The following ABHD5 variants were observed in gnomAD, a reference collection of about 807,000 sequenced individuals.
The protein encoded by ABHD5 is abhydrolase domain containing 5, lysophosphatidic acid acyltransferase.
Under a neutral mutation model 44.9 loss-of-function variants are expected in ABHD5, and 30 were observed. The ratio of observed to expected loss-of-function variants is 0.67; its 90% CI spans 0.50 to 0.91. The LOEUF is 0.91. Among genes scored for constraint, ABHD5 ranks in the 40% least tolerant of loss-of-function variants. The pLI, the probability that ABHD5 is intolerant of heterozygous loss-of-function variation, is 0.00. For missense variants in ABHD5, 399 were observed against 423.4 expected (o/e 0.94, Z 0.50); for synonymous variants, 167 against 147.0 (o/e 1.14, Z -0.99).
chr3:43,699,856 CAT>C (rs1419944327), intron 2 of ABHD5: 1 of 162,342 alleles, frequency 6.2e-6, no homozygotes, highest in Non-Finnish European at 1.4e-5. Context: ...TGGGTAATCA[CAT>C]ATGTGACTTC....
intron 1 of ABHD5, among the ~76,000 whole-genome samples, chr3:43,691,808 T>C (rs938976214): frequency 6.6e-6 from 1 of 152,192 alleles, no homozygotes. Context: ...TGTCCCTTAT[T>C]TGTTTGCGCT....
intron 4 of ABHD5, 79 bp downstream of exon 4, chr3:43,711,942 T>G: frequency 6.3e-7 from 1 of 1,596,160 alleles, no homozygotes; most frequent in South Asian, 1.1e-5. Flanking sequence ...AGTCAAAATC[T>G]TAAAAACAAA....
intron 3 of ABHD5, among the ~76,000 whole-genome samples, chr3:43,703,825 T>G (rs1398132942): frequency 2.0e-5 from 3 of 152,168 alleles, no homozygotes. Context: ...AGCAGCCCTG[T>G]GTACCTGAGG....
In ABHD5 at chr3:43,722,696, CA is replaced by C. The variant is rs1308299063; in HGVS notation, c.*4167del. The C allele has an allele frequency of 6.6e-6, 1 of 152,080 alleles. No homozygotes were observed. The highest frequency in any genetic ancestry group is 1.9e-4 in the East Asian group (1 of 5,192). The allele number at this position is 152,080 out of a possible 1,614,324, so 9.4% of individuals were successfully genotyped here. ...TGCTAATGGAATATATCCTACAGAC[CA>C]AACAACCACAAATAAATCTTAAACT... On this transcript the variant is annotated 3_prime_UTR_variant, in exon 7 of 7. Transcript: ENST00000644371.
chr3:43,700,633 G>A (rs1350878937), intron 2 of ABHD5, among the ~76,000 whole-genome samples: 2 of 151,718 alleles, frequency 1.3e-5, no homozygotes, highest in African/African-American at 4.9e-5. Flanking sequence ...GAGTGCAGTG[G>A]CACAATCTCA....
At chr3:43,713,039 A>G (rs1424549744) in intron 4 of ABHD5, among the ~76,000 whole-genome samples, 1 of 152,100 alleles carries the variant, frequency 6.6e-6, no homozygotes, top group East Asian at 1.9e-4. Context: ...CGTTCTAACC[A>G]GGTGCTGTGG....
At chr3:43,712,843 C>T (rs1440225986) in intron 4 of ABHD5, among the ~76,000 whole-genome samples, 14 of 152,086 alleles carry the variant, frequency 9.2e-5, no homozygotes, top group Non-Finnish European at 1.8e-4. Flanking sequence ...TCCTTCTCTC[C>T]ATAATGCTTT....
chr3:43,731,763 C>T (rs767625725), intron 7 of ABHD5, among the ~76,000 whole-genome samples: 13 of 151,896 alleles, frequency 8.6e-5, no homozygotes, highest in South Asian at 2.1e-4. Context: ...ACCCGGGAGA[C>T]GGGAGGTTGT....
chr3:43,716,235 A>G (rs1156532575), intron 5 of ABHD5, among the ~76,000 whole-genome samples: 4 of 152,140 alleles, frequency 2.6e-5, no homozygotes, highest in Admixed American at 1.3e-4. Context: ...TTCTCATGCT[A>G]TGTTGTGTAC....
downstream of ABHD5, among the ~76,000 whole-genome samples, chr3:43,724,200 A>G (rs188539776): frequency 0.011 from 1,738 of 152,322 alleles, 21 homozygotes; most frequent in Non-Finnish European, 0.015. Flanking sequence ...GCCAGTATGG[A>G]TAACTCTTTC....
chr3:43,716,551 C>T (rs1243921581), intron 5 of ABHD5, among the ~76,000 whole-genome samples: 1 of 152,068 alleles, frequency 6.6e-6, no homozygotes, highest in Admixed American at 6.5e-5. Flanking sequence ...TTATAGGTAG[C>T]TGTAGCCTCA....
At position 43,721,286 on chromosome 3, in the gene ABHD5, A is replaced by G. The variant is rs2084832981; in HGVS notation, c.*2754A>G. 6.6e-6 allele frequency: 1 copy of G among 152,196 alleles called. No homozygotes were observed. Among genetic ancestry groups the G allele is most frequent in the African/African-American group, 2.4e-5 (1 of 41,464 alleles). 9.4% of individuals were successfully genotyped at this position (152,196 alleles called of 1,614,324 possible). A position where few individuals can be genotyped will look rare whatever the true frequency, so the allele number is the denominator to read the frequency against. On this transcript the variant is annotated 3_prime_UTR_variant, in exon 7 of 7. Coordinates refer to ENST00000644371, the MANE Select transcript of ABHD5 (RefSeq NM_016006.6). The stretch of plus-strand genomic sequence containing the variant: ...CGATTTCTCACAGGATACACAGGAT[A>G]AAATCTGAATAGAACAAAGACCCAA...
chr3:43,718,791 G>A lies in ABHD5; in HGVS notation c.*259G>A. ...AATACCTTTAAATAAAAGGTTATTTGTCCCTCTGATGTACTGAAAAACTGT... is the reference window on the plus strand; with the variant it reads ...AATACCTTTAAATAAAAGGTTATTTATCCCTCTGATGTACTGAAAAACTGT... On this transcript the variant is annotated 3_prime_UTR_variant, in exon 7 of 7. Coordinates refer to ENST00000644371, the MANE Select transcript of ABHD5 (RefSeq NM_016006.6). The A allele has an allele frequency of 2.4e-6, 1 of 409,120 alleles. No individual in the cohort carries two copies. The highest frequency in any genetic ancestry group is 2.0e-5 in the African/African-American group (1 of 49,588). The allele number at this position is 409,120 out of a possible 1,614,324, so 25.3% of individuals were successfully genotyped here. A position where few individuals can be genotyped will look rare whatever the true frequency, so the allele number is the denominator to read the frequency against.
intron 1 of ABHD5, among the ~76,000 whole-genome samples, chr3:43,694,347 G>A (rs1465226080): frequency 1.3e-5 from 2 of 150,012 alleles, no homozygotes; most frequent in African/African-American, 4.9e-5. Context: ...TAGATTATTA[G>A]TTTAATCTCA....
chr3:43,717,226 A>G (rs1363954292), intron 5 of ABHD5, among the ~76,000 whole-genome samples: 1 of 152,154 alleles, frequency 6.6e-6, no homozygotes, highest in Non-Finnish European at 1.5e-5. Context: ...AGTGACAGCA[A>G]GATAGACCTA....
chr3:43,718,607 G>T lies in ABHD5; in HGVS notation c.*75G>T. ...GCAATAATTCATAGTCTGTGATGAAGAGTAGTGAATACAACACACAACCAG... is the reference window on the plus strand; with the variant it reads ...GCAATAATTCATAGTCTGTGATGAATAGTAGTGAATACAACACACAACCAG... On this transcript the variant is annotated 3_prime_UTR_variant, in exon 7 of 7. Coordinates refer to ENST00000644371, the MANE Select transcript of ABHD5 (RefSeq NM_016006.6). 7.1e-7 allele frequency: 1 copy of T among 1,410,124 alleles called. No homozygotes were observed. Among genetic ancestry groups the T allele is most frequent in the South Asian group, 1.2e-5 (1 of 86,652 alleles). 87.4% of individuals were successfully genotyped at this position (1,410,124 alleles called of 1,614,324 possible).
chr3:43,720,248 GT>G lies in ABHD5; in HGVS notation c.*1720del, dbSNP rs2084818217. ...ATTTGGGTAATATTTTTGTATTTTT[GT>G]TTTACACACTCTCTAATCTCAATTA... is the stretch of plus-strand genomic sequence containing the variant. On this transcript the variant is annotated 3_prime_UTR_variant, in exon 7 of 7. Coordinates refer to ENST00000644371, the MANE Select transcript of ABHD5 (RefSeq NM_016006.6). 1 of 152,106 alleles carries G rather than the reference GT, an allele frequency of 6.6e-6. No individual in the cohort carries two copies. Among genetic ancestry groups the G allele is most frequent in the African/African-American group, 2.4e-5 (1 of 41,406 alleles). The allele number at this position is 152,106 out of a possible 1,614,324, so 9.4% of individuals were successfully genotyped here.
At chr3:43,697,783 T>C (rs2084492051) in intron 1 of ABHD5, among the ~76,000 whole-genome samples, 1 of 152,194 alleles carries the variant, frequency 6.6e-6, no homozygotes, top group South Asian at 2.1e-4. Context: ...ACTTATCCTG[T>C]AGGTAATGGG....
intron 1 of ABHD5, among the ~76,000 whole-genome samples, chr3:43,698,069 G>A (rs773683922): frequency 1.3e-5 from 2 of 152,188 alleles, no homozygotes; most frequent in African/African-American, 2.4e-5. Context: ...ATAGTAGGAT[G>A]AACCTACAAA....
Sources: gnomAD v4.1 joint callset for allele counts (sites outside exome capture counted in the v4.1 genomes callset) on GRCh38, gnomAD v4.1.1 for gene constraint, MANE v1.5 for transcripts, NCBI Gene and HGNC (gene_info 2026-07-23, HGNC 2026-07-21) for gene names.